Variants in ZNF385D observed in about 807,000 individuals in gnomAD.
ZNF385D encodes zinc finger protein 385D.
Under a neutral mutation model 35.8 loss-of-function variants are expected in ZNF385D, and 15 were observed. That is an observed-to-expected ratio of 0.42 (90% confidence interval 0.28 to 0.64). ZNF385D has a LOEUF of 0.64. Ranked by LOEUF, ZNF385D falls within the 30% of genes least tolerant of loss-of-function variation. ZNF385D has a pLI of 0.23. For missense variants in ZNF385D, 474 were observed against 494.6 expected, an observed-to-expected ratio of 0.96 and a Z score of 0.39; for synonymous variants, 212 against 186.8, an observed-to-expected ratio of 1.13 and a Z score of -1.10.
chr3:22,038,249 T>A (rs1312989349), intron 3 of ZNF385D, among the ~76,000 whole-genome samples: 1 of 152,114 alleles, frequency 6.6e-6, no homozygotes, highest in Non-Finnish European at 1.5e-5. Flanking sequence ...TCAAGAAAGA[T>A]AAAAATGTGG....
intron 1 of ZNF385D, among the ~76,000 whole-genome samples, chr3:21,707,442 A>C (rs2067947184): frequency 6.6e-6 from 1 of 152,204 alleles, no homozygotes; most frequent in African/African-American, 2.4e-5. Context: ...ATTCGAAGCA[A>C]TTGTCAATGC....
intron 4 of ZNF385D, chr3:21,441,638 T>C (rs1701864434): frequency 1.0e-6 from 1 of 965,190 alleles, no homozygotes; most frequent in Non-Finnish European, 1.2e-6. Context: ...TTGCTTAAAA[T>C]CATTTAGAAG....
intron 3 of ZNF385D, among the ~76,000 whole-genome samples, chr3:22,167,361 T>C (rs1260796496): frequency 1.3e-5 from 2 of 152,194 alleles, no homozygotes; most frequent in African/African-American, 2.4e-5. Context: ...ATAAAAGCCC[T>C]AGACTCAGCC....
intron 3 of ZNF385D, among the ~76,000 whole-genome samples, chr3:21,997,984 A>T (rs1486581808): frequency 6.6e-6 from 1 of 151,924 alleles, no homozygotes; most frequent in Non-Finnish European, 1.5e-5. Context: ...AACCCTGCAG[A>T]TCAAAACAGG....
chr3:21,500,591 T>C (rs1223654440), intron 4 of ZNF385D, among the ~76,000 whole-genome samples: 2 of 152,120 alleles, frequency 1.3e-5, no homozygotes, highest in Non-Finnish European at 2.9e-5. Flanking sequence ...CGTTAGCATG[T>C]GAAGTGTGGG....
chr3:22,242,357 T>C (rs1036397242), intron 2 of ZNF385D, among the ~76,000 whole-genome samples: 2 of 151,072 alleles, frequency 1.3e-5, no homozygotes, highest in African/African-American at 2.4e-5. Context: ...TTCTCACTTA[T>C]CAAAACACAG....
chr3:21,877,315 A>G (rs1217226751), intron 3 of ZNF385D, among the ~76,000 whole-genome samples: 3 of 152,040 alleles, frequency 2.0e-5, no homozygotes, highest in African/African-American at 7.2e-5. Flanking sequence ...TAGGGCCTCA[A>G]AAGCACAGTG....
At chr3:22,370,585 T>A (rs1696857947) in intron 2 of ZNF385D, among the ~76,000 whole-genome samples, 1 of 152,194 alleles carries the variant, frequency 6.6e-6, no homozygotes, top group Non-Finnish European at 1.5e-5. Flanking sequence ...GGTTTATTGC[T>A]CTCATTTTTC....
chr3:21,635,055 A>G (rs2065388691), intron 2 of ZNF385D, among the ~76,000 whole-genome samples: 1 of 152,116 alleles, frequency 6.6e-6, no homozygotes, highest in Non-Finnish European at 1.5e-5. Flanking sequence ...TTAGGCAAAT[A>G]GAAACCCATA....
In ZNF385D at chr3:21,859,910, C is replaced by T. The variant is rs118016917; in HGVS notation, c.326-194882G>A. On this transcript the variant is annotated intron_variant, in intron 3 of 5. Transcript: ENST00000494108. ...TGCATTATGTATGCCGTAACTTCCCCGGGACAGGGAGGATGTCACGCTCTG... is the reference window on the plus strand; with the variant it reads ...TGCATTATGTATGCCGTAACTTCCCTGGGACAGGGAGGATGTCACGCTCTG... 3.5e-3 allele frequency among the ~76,000 whole-genome samples: 535 copies of T among 151,870 alleles called. 14 individuals carry two copies. In the East Asian group the frequency reaches 0.058, roughly 16 times the overall value.
intron 2 of ZNF385D, among the ~76,000 whole-genome samples, chr3:22,203,024 G>T (rs1696908089): frequency 6.6e-6 from 1 of 152,088 alleles, no homozygotes; most frequent in Non-Finnish European, 1.5e-5. Context: ...ACCAGTGAAT[G>T]TGGGAGACAT....
intron 1 of ZNF385D, among the ~76,000 whole-genome samples, chr3:21,699,380 C>A (rs2067590946): frequency 6.6e-6 from 1 of 152,014 alleles, no homozygotes; most frequent in Non-Finnish European, 1.5e-5. Flanking sequence ...GGAGAAATAC[C>A]TAATGTAGAT....
intron 2 of ZNF385D, among the ~76,000 whole-genome samples, chr3:22,234,496 G>A (rs117985694): frequency 7.8e-4 from 117 of 149,494 alleles, no homozygotes; most frequent in East Asian, 4.9e-3. Flanking sequence ...TTTTTTTTTC[G>A]TTCCTGAACT....
At chr3:21,958,093 G>A (rs1448834767) in intron 3 of ZNF385D, among the ~76,000 whole-genome samples, 1 of 152,092 alleles carries the variant, frequency 6.6e-6, no homozygotes, top group African/African-American at 2.4e-5. Context: ...ATGGGCACAT[G>A]CAGACTAATC....
At chr3:21,505,954 C>T (rs1038848687) in intron 4 of ZNF385D, among the ~76,000 whole-genome samples, 5 of 152,104 alleles carry the variant, frequency 3.3e-5, no homozygotes, top group African/African-American at 1.2e-4. Context: ...TCTCCTCCCT[C>T]GAAGTACCTA....
At chr3:22,087,795 G>A (rs1576297322) in intron 3 of ZNF385D, among the ~76,000 whole-genome samples, 1 of 152,124 alleles carries the variant, frequency 6.6e-6, no homozygotes, top group East Asian at 1.9e-4. Flanking sequence ...GGAAAAAGAA[G>A]ATGTAACAGT....
At chr3:22,328,162 T>A (rs2125455789) in intron 2 of ZNF385D, among the ~76,000 whole-genome samples, 1 of 152,232 alleles carries the variant, frequency 6.6e-6, no homozygotes, top group East Asian at 1.9e-4. Flanking sequence ...ATTTGCACTT[T>A]TTTTCCTTAT....
chr3:22,311,031 G>A (rs996535586), intron 2 of ZNF385D, among the ~76,000 whole-genome samples: 4 of 151,632 alleles, frequency 2.6e-5, no homozygotes, highest in Non-Finnish European at 4.4e-5. Flanking sequence ...ATGATACTAC[G>A]AAGGTTGAAT....
At chr3:21,896,001 T>C (rs1372929629) in intron 3 of ZNF385D, among the ~76,000 whole-genome samples, 4 of 152,186 alleles carry the variant, frequency 2.6e-5, no homozygotes, top group Non-Finnish European at 4.4e-5. Context: ...ACAATTATTT[T>C]AATTAGAGAA....
Sources: allele counts gnomAD v4.1 joint callset (sites outside exome capture counted in the v4.1 genomes callset), GRCh38; gene constraint gnomAD v4.1.1; transcripts MANE v1.5; gene names NCBI Gene and HGNC (gene_info 2026-07-23, HGNC 2026-07-21).